The following STK38 variants were observed in gnomAD, a reference collection of about 807,000 sequenced individuals.
STK38 encodes serine/threonine-protein kinase 38.
In STK38, 26 loss-of-function variants were observed where a neutral mutation model predicts 59.0. The ratio of observed to expected loss-of-function variants is 0.44; its 90% CI spans 0.32 to 0.61. The LOEUF is 0.61. Ranked by LOEUF, STK38 falls within the 20% of genes least tolerant of loss-of-function variation. The pLI is 0.04. For missense variants in STK38, 433 were observed against 566.0 expected (o/e 0.76, Z 2.38); for synonymous variants, 175 against 176.6 (o/e 0.99, Z 0.07).
rs549473681 is a variant in STK38, at chr6:36,517,951, C to T, written c.391-111G>A. ...TTAAATACTGTTTTGAGTATTTAATCGTGATGATATAAAAGATCCAATTTC... is the reference window on the plus strand; with the variant it reads ...TTAAATACTGTTTTGAGTATTTAATTGTGATGATATAAAAGATCCAATTTC... On this transcript the variant is annotated intron_variant, in intron 5 of 13. Transcript: ENST00000229812. The T allele has an allele frequency of 1.4e-5, 18 of 1,331,432 alleles. 1 individual carries two copies. The highest frequency in any genetic ancestry group is 5.9e-5 in the South Asian group (3 of 50,642). The allele number at this position is 1,331,432 out of a possible 1,614,324, so 82.5% of individuals were successfully genotyped here. A position where few individuals can be genotyped will look rare whatever the true frequency, so the allele number is the denominator to read the frequency against.
rs1777457860 is a variant in STK38 at position 36,524,369 on chromosome 6, T to C, written c.278A>G (p.Lys93Arg). 6.2e-7 allele frequency: 1 copy of C among 1,613,086 alleles called. No homozygotes were observed. The highest frequency in any genetic ancestry group is 1.3e-5 in the African/African-American group (1 of 74,998). ...RLGLEDFESL[K>R]VIGRGAFGEV... ...ACCAAATGCTCCTCTGCCTATTACT[T>C]TTAAGGACTCAAAATCTTCCAATCC... is the stretch of plus-strand genomic sequence containing the variant. Residue 93 changes from lysine to arginine, a missense_variant, in exon 4 of 14, where the codon AAA (lysine) becomes AGA (arginine). Around this residue, in one of 3 missense-constraint regions of STK38, gnomAD observed 293 missense variants for 388.2 expected, o/e 0.75. Transcript: ENST00000229812.
chr6:36,528,603 G>C (rs553539567), intron 2 of STK38, among the ~76,000 whole-genome samples: 1 of 152,180 alleles, frequency 6.6e-6, no homozygotes, highest in East Asian at 1.9e-4. Flanking sequence ...ACATGTATTA[G>C]AGAGAAAAGG....
chr6:36,499,010 C>A (rs4713978), intron 10 of STK38, among the ~76,000 whole-genome samples: 17,595 of 152,090 alleles, frequency 0.12, 1,198 homozygotes, highest in Admixed American at 0.22. Context: ...TTCCCCCAAA[C>A]TCCCAGACCC....
At chr6:36,543,903 G>A (rs1778002143) in intron 1 of STK38, among the ~76,000 whole-genome samples, 1 of 152,068 alleles carries the variant, frequency 6.6e-6, no homozygotes, top group African/African-American at 2.4e-5. Flanking sequence ...CAAAGTGCTG[G>A]GATTAGAGGC....
chr6:36,513,448 G>A (rs1777160998), intron 7 of STK38, among the ~76,000 whole-genome samples: 1 of 151,430 alleles, frequency 6.6e-6, no homozygotes, highest in African/African-American at 2.4e-5. Context: ...TCAAGTAGGT[G>A]GGACTACAGG....
At chr6:36,524,224 T>A (rs1042832880) in intron 4 of STK38, 117 bp downstream of exon 4, 1 of 1,265,224 alleles carries the variant, frequency 7.9e-7, no homozygotes, top group Admixed American at 2.6e-5. Flanking sequence ...GGGGCTGGCA[T>A]GCCTGACTCA....
At chr6:36,544,411 C>G (rs186079456) in intron 1 of STK38, among the ~76,000 whole-genome samples, 173 of 152,048 alleles carry the variant, frequency 1.1e-3, no homozygotes, top group Non-Finnish European at 2.0e-3. Flanking sequence ...CCTGTACCCC[C>G]CCCTCCACCC....
At chr6:36,545,289 GAAA>G (rs58104312) in intron 1 of STK38, among the ~76,000 whole-genome samples, 9 of 60,520 alleles carry the variant, frequency 1.5e-4, no homozygotes, top group African/African-American at 3.9e-4. Context: ...ACTCCGTCTG[GAAA>G]AAAAAAAAAA....
chr6:36,519,957 C>T (rs1294022363), intron 5 of STK38, among the ~76,000 whole-genome samples: 1 of 152,164 alleles, frequency 6.6e-6, no homozygotes, highest in African/African-American at 2.4e-5. Flanking sequence ...AGCTTTAATT[C>T]CTACCCAGTT....
intron 2 of STK38, among the ~76,000 whole-genome samples, chr6:36,535,856 C>A (rs1392177886): frequency 2.2e-5 from 3 of 136,278 alleles, no homozygotes; most frequent in East Asian, 2.1e-4. Flanking sequence ...AGCCTGGCAG[C>A]AGAGCAAGAC....
At chr6:36,519,002 CACTCTTCCATT>C (rs1777321136) in intron 5 of STK38, among the ~76,000 whole-genome samples, 1 of 152,190 alleles carries the variant, frequency 6.6e-6, no homozygotes, top group African/African-American at 2.4e-5. Flanking sequence ...GGAGACAAGG[CACTCTTCCATT>C]ACTCTTCCAT....
chr6:36,525,787 G>T, intron 2 of STK38, 145 bp from the exon 3 acceptor site: 6 of 616,686 alleles, frequency 9.7e-6, no homozygotes, highest in East Asian at 3.2e-5. Flanking sequence ...AAAAAATTAA[G>T]TTACTAAGAC....
intron 2 of STK38, among the ~76,000 whole-genome samples, chr6:36,539,361 G>A (rs1777876010): frequency 1.3e-5 from 2 of 150,954 alleles, no homozygotes; most frequent in African/African-American, 4.9e-5. Context: ...ACTCCAGCCT[G>A]GGCAACAGAG....
In STK38 at chr6:36,547,447, C is replaced by G. The variant is rs1013611218; in HGVS notation, c.-263G>C. ...CCCGGTCCCCCGCCGCGGAGACGGG[C>G]TGGCGCGGCAGCCCGGGGCCGAGAC... On this transcript the variant is annotated 5_prime_UTR_variant, in exon 1 of 14. Coordinates refer to ENST00000229812, the MANE Select transcript of STK38 (RefSeq NM_007271.4). 1 of 152,278 alleles carries G rather than the reference C, an allele frequency of 6.6e-6. No homozygotes were observed. The highest frequency in any genetic ancestry group is 1.5e-5 in the Non-Finnish European group (1 of 68,084). 9.4% of individuals were successfully genotyped at this position (152,278 alleles called of 1,614,324 possible). A position where few individuals can be genotyped will look rare whatever the true frequency, so the allele number is the denominator to read the frequency against.
chr6:36,542,720 G>A (rs1426117030), intron 1 of STK38, among the ~76,000 whole-genome samples: 1 of 152,182 alleles, frequency 6.6e-6, no homozygotes, highest in Non-Finnish European at 1.5e-5. Flanking sequence ...CAAGGCAGGC[G>A]AATCATCTGA....
chr6:36,498,274 A>G, intron 11 of STK38, 89 bp downstream of exon 11: 1 of 1,497,560 alleles, frequency 6.7e-7, no homozygotes, highest in Non-Finnish European at 9.0e-7. Context: ...AACAGAAAGC[A>G]GATTCAGGAG....
intron 7 of STK38, among the ~76,000 whole-genome samples, chr6:36,508,433 G>A (rs1014397166): frequency 2.6e-5 from 4 of 152,134 alleles, no homozygotes; most frequent in Non-Finnish European, 5.9e-5. Context: ...CTTAATAAAT[G>A]GTTGTTAAAT....
At chr6:36,503,160 A>G (rs1776879633) in intron 9 of STK38, among the ~76,000 whole-genome samples, 1 of 152,216 alleles carries the variant, frequency 6.6e-6, no homozygotes, top group Non-Finnish European at 1.5e-5. Flanking sequence ...ATTCTGAAAG[A>G]TAATTCCAAA....
At chr6:36,530,311 G>A (rs1188260869) in intron 2 of STK38, among the ~76,000 whole-genome samples, 1 of 151,924 alleles carries the variant, frequency 6.6e-6, no homozygotes, top group Non-Finnish European at 1.5e-5. Context: ...AGCGGAGGGG[G>A]AGGGGAAAGG....
Sources: gnomAD v4.1 joint callset for allele counts (sites outside exome capture counted in the v4.1 genomes callset) on GRCh38, gnomAD v4.1.1 for gene constraint, gnomAD v4.1.1 regional missense constraint, MANE v1.5 for transcripts, NCBI Gene and HGNC (gene_info 2026-07-23, HGNC 2026-07-21) for gene names.